SRPK2: variants seen among roughly 807,000 people sequenced by gnomAD.
SRPK2 encodes SRSF protein kinase 2.
In SRPK2, 21 loss-of-function variants were observed where a neutral mutation model predicts 90.8. That is an observed-to-expected ratio of 0.23 (90% CI 0.16 to 0.33). SRPK2 has a LOEUF of 0.33. Ranked by LOEUF, SRPK2 falls within the 10% of genes least tolerant of loss-of-function variation. The pLI is 1.00. For synonymous variants in SRPK2, 288 were observed against 311.1 expected, an observed-to-expected ratio of 0.93 and a Z score of 0.78; for missense variants, 620 against 869.0, an observed-to-expected ratio of 0.71 and a Z score of 3.60.
intron 2 of SRPK2, among the ~76,000 whole-genome samples, chr7:105,365,918 G>A (rs1281726798): frequency 2.6e-5 from 4 of 151,186 alleles, no homozygotes; most frequent in East Asian, 1.9e-4. Context: ...TGCATGGCGC[G>A]ATCTCGGCTC....
chr7:105,154,119 T>G (rs1183841671), intron 7 of SRPK2, among the ~76,000 whole-genome samples: 1 of 152,230 alleles, frequency 6.6e-6, no homozygotes. Context: ...TAGCCTCTGC[T>G]CCTTTTTCTT....
chr7:105,393,195 C>A (rs1822227556), upstream of SRPK2, among the ~76,000 whole-genome samples: 1 of 150,244 alleles, frequency 6.7e-6, no homozygotes, highest in South Asian at 2.1e-4. Flanking sequence ...TAGGTTTCAC[C>A]ATGTTGGCCA....
intron 6 of SRPK2, among the ~76,000 whole-genome samples, chr7:105,160,924 T>TGGAAGGATGTGA (rs1229419561): frequency 1.6e-4 from 25 of 152,200 alleles, no homozygotes; most frequent in Admixed American, 5.2e-4. Flanking sequence ...CATCCTTCCA[T>TGGAAGGATGTGA]ATACTTTATT....
At chr7:105,385,137 G>T (rs1277642092) in intron 2 of SRPK2, among the ~76,000 whole-genome samples, 3 of 140,170 alleles carry the variant, frequency 2.1e-5, no homozygotes, top group Non-Finnish European at 4.6e-5. Flanking sequence ...CTCCCAAAGT[G>T]CTGGGATTAC....
intron 7 of SRPK2, 167 bp downstream of exon 7, chr7:105,160,340 A>C: frequency 2.4e-6 from 1 of 424,878 alleles, no homozygotes; most frequent in Non-Finnish European, 4.2e-6. Flanking sequence ...ATACTGACTT[A>C]ATAAGAGTTC....
intron 2 of SRPK2, among the ~76,000 whole-genome samples, chr7:105,289,712 C>A (rs756289445): frequency 9.9e-5 from 15 of 152,148 alleles, no homozygotes; most frequent in Admixed American, 2.0e-4. Flanking sequence ...TTTGTGTTCA[C>A]TGAAGTAACA....
At chr7:105,349,002 C>A (rs1465387322) in intron 2 of SRPK2, among the ~76,000 whole-genome samples, 2 of 150,086 alleles carry the variant, frequency 1.3e-5, no homozygotes, top group Non-Finnish European at 3.0e-5. Context: ...AAAAATTAGC[C>A]GGGCGTGGTG....
chr7:105,260,702 C>T (rs1478692579), intron 2 of SRPK2, among the ~76,000 whole-genome samples: 1 of 152,048 alleles, frequency 6.6e-6, no homozygotes, highest in Non-Finnish European at 1.5e-5. Flanking sequence ...ACTATGCAGC[C>T]ATAAAAAAGG....
At chr7:105,148,539 A>G (rs1472866949) in intron 7 of SRPK2, among the ~76,000 whole-genome samples, 1 of 152,238 alleles carries the variant, frequency 6.6e-6, no homozygotes, top group Non-Finnish European at 1.5e-5. Context: ...AGAAATTCCA[A>G]ATGTTAAGCA....
Position 105,142,035 on chromosome 7 carries a change from C to T in SRPK2, c.1516G>A (p.Ala506Thr). 1 of 1,613,438 alleles carries T rather than the reference C, an allele frequency of 6.2e-7. No individual in the cohort carries two copies. Among genetic ancestry groups the T allele is most frequent in the Non-Finnish European group, 8.5e-7 (1 of 1,179,630 alleles). ...PSHDRSRTVS[A>T]SSTGDLPKAK... ...TTTGGCAAATCCCCAGTACTGGAGG[C>T]TGAAACCGTTCTGCTTCTGTCATGG... Residue 506 changes from alanine to threonine, a missense_variant, in exon 11 of 16, where the codon GCC (alanine) becomes ACC (threonine). Physicochemically the swap from Ala to Thr is moderately conservative, Grantham distance 58 (BLOSUM62 0). This residue lies in a region of SRPK2 where 243 missense variants were observed against 245.7 expected (regional missense o/e 0.99). Coordinates refer to ENST00000393651, the MANE Select transcript of SRPK2 (RefSeq NM_182692.3).
intron 2 of SRPK2, among the ~76,000 whole-genome samples, chr7:105,335,883 G>A (rs1226839530): frequency 1.3e-5 from 2 of 151,956 alleles, no homozygotes; most frequent in Non-Finnish European, 2.9e-5. Context: ...TTGAAGCTGG[G>A]AGGCAGAGGT....
At chr7:105,361,501 G>A (rs144097435) in intron 2 of SRPK2, among the ~76,000 whole-genome samples, 4 of 152,248 alleles carry the variant, frequency 2.6e-5, no homozygotes, top group African/African-American at 9.6e-5. Context: ...AACCAAAAAA[G>A]AGCACGCACT....
chr7:105,391,496 C>T (rs1370155272), upstream of SRPK2, among the ~76,000 whole-genome samples: 1 of 152,094 alleles, frequency 6.6e-6, no homozygotes, highest in Non-Finnish European at 1.5e-5. Context: ...TGAGCCACTG[C>T]GCCCGGCTAA....
intron 1 of SRPK2, among the ~76,000 whole-genome samples, chr7:105,394,661 G>A (rs1458078110): frequency 2.0e-5 from 3 of 152,050 alleles, no homozygotes; most frequent in Non-Finnish European, 2.9e-5. Context: ...TCTGTTTGTT[G>A]GATTTTTGCA....
At chr7:105,218,758 A>G (rs1428748690) in intron 2 of SRPK2, among the ~76,000 whole-genome samples, 1 of 152,232 alleles carries the variant, frequency 6.6e-6, no homozygotes, top group African/African-American at 2.4e-5. Flanking sequence ...GTTCCAACTC[A>G]GAAAAGCATG....
At chr7:105,229,441 G>A (rs1799153885) in intron 2 of SRPK2, among the ~76,000 whole-genome samples, 1 of 151,572 alleles carries the variant, frequency 6.6e-6, no homozygotes, top group Non-Finnish European at 1.5e-5. Flanking sequence ...TCCAGCCTGG[G>A]CGACAGAGCA....
intron 11 of SRPK2, 68 bp from the exon 12 acceptor site, chr7:105,133,172 T>C: frequency 7.0e-7 from 1 of 1,426,204 alleles, no homozygotes; most frequent in South Asian, 1.1e-5. Context: ...AGCACAGTGT[T>C]TGCCAGGGTC....
In SRPK2 at chr7:105,314,242, A is replaced by C. The variant is rs111931203; in HGVS notation, c.71+74406T>G. Among the ~76,000 whole-genome samples, 447 of 151,646 alleles carry C rather than the reference A, an allele frequency of 2.9e-3. 2 individuals carry two copies. Among genetic ancestry groups the C allele is most frequent in the African/African-American group, 0.01 (429 of 41,388 alleles). ...AGCTACTTGGGAGGTTGAGATATGA[A>C]AATCACTTGAACCCAGGAGGCAGAG... On this transcript the variant is annotated intron_variant, in intron 2 of 15. Coordinates refer to ENST00000393651, the MANE Select transcript of SRPK2 (RefSeq NM_182692.3).
At chr7:105,289,329 T>A (rs1209651816) in intron 2 of SRPK2, among the ~76,000 whole-genome samples, 1 of 151,986 alleles carries the variant, frequency 6.6e-6, no homozygotes, top group Non-Finnish European at 1.5e-5. Flanking sequence ...CACATCATTA[T>A]GTAATAACAA....
Sources: gnomAD v4.1 joint callset for allele counts (sites outside exome capture counted in the v4.1 genomes callset) on GRCh38, gnomAD v4.1.1 for gene constraint, gnomAD v4.1.1 regional missense constraint, MANE v1.5 for transcripts, NCBI Gene and HGNC (gene_info 2026-07-23, HGNC 2026-07-21) for gene names.